Variants in WLS observed in about 807,000 individuals in gnomAD.
WLS encodes the protein protein wntless homolog.
Under a neutral mutation model 62.8 loss-of-function variants are expected in WLS, and 23 were observed. The ratio of observed to expected loss-of-function variants is 0.37; its 90% CI spans 0.26 to 0.52. WLS has a LOEUF of 0.52. WLS is among the 20% of genes least tolerant of loss of function. WLS has a pLI of 0.92. For missense variants in WLS, 615 were observed against 697.3 expected (o/e 0.88, Z 1.33); for synonymous variants, 246 against 244.1 (o/e 1.01, Z -0.07).
chr1:68,126,849 T>C (rs1019361815), intron 11 of WLS, among the ~76,000 whole-genome samples: 3 of 152,044 alleles, frequency 2.0e-5, no homozygotes, highest in Admixed American at 6.5e-5. Flanking sequence ...ATAACACCCC[T>C]CCCAACGGAT....
chr1:68,180,908 A>G (rs1359561392), intron 2 of WLS, among the ~76,000 whole-genome samples: 1 of 152,202 alleles, frequency 6.6e-6, no homozygotes, highest in Non-Finnish European at 1.5e-5. Flanking sequence ...AAGAATTACT[A>G]CTATCTCTCT....
chr1:68,162,667 A>G, intron 2 of WLS: 1 of 1,236,086 alleles, frequency 8.1e-7, no homozygotes, highest in South Asian at 1.2e-5. Context: ...CAGATTGAGG[A>G]TGTGGCAGAT....
chr1:68,144,505 T>C, intron 10 of WLS, 64 bp downstream of exon 10: 1 of 1,488,288 alleles, frequency 6.7e-7, no homozygotes, highest in East Asian at 2.3e-5. Context: ...CTATTGAATT[T>C]CTGTGCAGGG....
intron 2 of WLS, among the ~76,000 whole-genome samples, chr1:68,165,070 C>T (rs973376262): frequency 1.3e-5 from 2 of 152,140 alleles, no homozygotes; most frequent in Admixed American, 1.3e-4. Flanking sequence ...GTACATCCTA[C>T]TTATAACGCT....
chr1:68,194,113 A>G lies in WLS; in HGVS notation c.221T>C (p.Ile74Thr). 7 of 1,614,166 alleles carry G rather than the reference A, an allele frequency of 4.3e-6. No homozygotes were observed. Among genetic ancestry groups the G allele is most frequent in the Non-Finnish European group, 5.9e-6 (7 of 1,180,038 alleles). ...TGGAATTGCCTCTTCAATGTCTCGGATCTTGTCACAATGATTGGGTCCCCA... is the reference window on the plus strand; with the variant it reads ...TGGAATTGCCTCTTCAATGTCTCGGGTCTTGTCACAATGATTGGGTCCCCA... ...VPWGPNHCDK[I>T]RDIEEAIPRE... is the part of the protein sequence containing the mutation. The change falls in exon 2 of 12, where the codon ATC becomes ACC. Residue 74 changes from isoleucine (I) to threonine (T), a missense_variant. By Grantham distance (89) the Ile-to-Thr change is moderately conservative. Transcript: ENST00000262348.
chr1:68,101,973 G>A (rs192355360), intron 11 of WLS, among the ~76,000 whole-genome samples: 1 of 152,278 alleles, frequency 6.6e-6, no homozygotes, highest in Admixed American at 6.5e-5. Flanking sequence ...TTTTCCAAGG[G>A]ACTTTGAACT....
chr1:68,144,752 A>T, intron 9 of WLS, 100 bp from the exon 10 acceptor site: 1 of 919,332 alleles, frequency 1.1e-6, no homozygotes, highest in South Asian at 1.6e-5. Context: ...AATCTGTAAA[A>T]CCAAATCCCT....
chr1:68,140,615 C>G (rs1646671996), intron 10 of WLS, among the ~76,000 whole-genome samples: 1 of 152,216 alleles, frequency 6.6e-6, no homozygotes, highest in Non-Finnish European at 1.5e-5. Context: ...CCGTCTCGTA[C>G]TTGCTCTGGG....
Position 68,126,194 on chromosome 1 carries a change from G to C in WLS, c.*32C>G, listed in dbSNP as rs1381691380. 7 of 1,612,802 alleles carry C rather than the reference G, an allele frequency of 4.3e-6. No homozygotes were observed. The highest frequency in any genetic ancestry group is 5.1e-6 in the Non-Finnish European group (6 of 1,179,536). ...CTCTAGTTAGAGGGGCTGGGGTATG[G>C]AGAGACCGTCCCAGCCGGGCGCTGC... is the stretch of plus-strand genomic sequence containing the variant. On this transcript the variant is annotated 3_prime_UTR_variant, in exon 12 of 12. Transcript: ENST00000262348.
At chr1:68,144,416 G>T (rs527762775) in intron 10 of WLS, among the ~76,000 whole-genome samples, 153 bp downstream of exon 10, 1 of 152,286 alleles carries the variant, frequency 6.6e-6, no homozygotes, top group African/African-American at 2.4e-5. Flanking sequence ...CATTTGGCCA[G>T]GTGATATCAA....
rs111273032 is a variant in WLS at position 68,194,073 on chromosome 1, G to A, written c.261C>T (p.Ala87=). 5.1e-4 allele frequency: 819 copies of A among 1,614,098 alleles called. 9 individuals carry two copies. In the African/African-American group the frequency reaches 9.5e-3, roughly 19 times the overall value. Residue 87 remains alanine (A), a synonymous_variant, in exon 2 of 12, where the codon GCC becomes GCT. Coordinates refer to ENST00000262348, the MANE Select transcript of WLS (RefSeq NM_024911.7). The part of the protein sequence containing the change: ...IEEAIPREIE[A]NDIVFSVHIP... ...TGTGAACAGAAAACACGATGTCATT[G>A]GCTTCAATTTCCCTTGGAATTGCCT... is the stretch of plus-strand genomic sequence containing the variant.
At chr1:68,187,361 G>A (rs1366967565) in intron 2 of WLS, among the ~76,000 whole-genome samples, 1 of 151,892 alleles carries the variant, frequency 6.6e-6, no homozygotes, top group Non-Finnish European at 1.5e-5. Context: ...CCCCTATTAA[G>A]TGCTAGTTCT....
chr1:68,215,458 G>A (rs2100652813), intron 1 of WLS, among the ~76,000 whole-genome samples: 1 of 152,268 alleles, frequency 6.6e-6, no homozygotes, highest in South Asian at 2.1e-4. Context: ...CACCAGTACT[G>A]GCTAACATGC....
At position 68,145,948 on chromosome 1, in the gene WLS, A is replaced by G. The variant is rs1381900985; in HGVS notation, c.1199T>C (p.Val400Ala). ...ACTGATGTTCCGAAACACCTGAAATACCATGAAGCATAGAAACAGGAAGTA... is the reference window on the plus strand; with the variant it reads ...ACTGATGTTCCGAAACACCTGAAATGCCATGAAGCATAGAAACAGGAAGTA... ...CLYFLFLCFM[V>A]FQVFRNISGK... is the part of the protein sequence containing the mutation. The change falls in exon 9 of 12, where the codon GTA becomes GCA. Residue 400 changes from valine (V) to alanine (A), a missense_variant. By Grantham distance (64) the Val-to-Ala change is moderately conservative. Transcript: ENST00000262348. The G allele has an allele frequency of 3.7e-6, 6 of 1,614,166 alleles. No homozygotes were observed. Among genetic ancestry groups the G allele is most frequent in the Non-Finnish European group, 5.1e-6 (6 of 1,180,044 alleles).
chr1:68,214,104 AGCCAGCAGCCTG>A (rs892705173), intron 1 of WLS, among the ~76,000 whole-genome samples: 2 of 152,064 alleles, frequency 1.3e-5, no homozygotes, highest in Non-Finnish European at 2.9e-5. Flanking sequence ...TTTGCTTCAA[AGCCAGCAGCCTG>A]GCCAAGTTCC....
rs1646986115 is a variant in WLS at position 68,162,167 on chromosome 1, G to C, written c.380-2920C>G. The C allele has an allele frequency of 5.5e-6, 8 of 1,452,882 alleles. No homozygotes were observed. The Admixed American group carries it at 1.3e-4, about 24-fold the overall frequency. The allele number at this position is 1,452,882 out of a possible 1,614,324, so 90.0% of individuals were successfully genotyped here. A position where few individuals can be genotyped will look rare whatever the true frequency, so the allele number is the denominator to read the frequency against. On this transcript the variant is annotated intron_variant, in intron 2 of 11. Coordinates refer to ENST00000262348, the MANE Select transcript of WLS (RefSeq NM_024911.7). The stretch of plus-strand genomic sequence containing the variant: ...ATAAGATTCGGTGCATCTTTCAACG[G>C]ACCCTGAGCAAAGCTAAAGGGCTCC...
At chr1:68,191,169 G>A (rs372713042) in intron 2 of WLS, among the ~76,000 whole-genome samples, 1 of 152,078 alleles carries the variant, frequency 6.6e-6, no homozygotes, top group Non-Finnish European at 1.5e-5. Flanking sequence ...TTATTACAGG[G>A]TAAATCTTTT....
At chr1:68,165,066 C>T (rs949202114) in intron 2 of WLS, among the ~76,000 whole-genome samples, 1 of 152,170 alleles carries the variant, frequency 6.6e-6, no homozygotes, top group Non-Finnish European at 1.5e-5. Context: ...TAAAGTACAT[C>T]CTACTTATAA....
At chr1:68,138,987 A>G (rs1216011482) in intron 10 of WLS, among the ~76,000 whole-genome samples, 2 of 152,212 alleles carry the variant, frequency 1.3e-5, no homozygotes. Context: ...TGTGTTCATT[A>G]TCTTCTGTAT....
Sources: allele counts gnomAD v4.1 joint callset (sites outside exome capture counted in the v4.1 genomes callset), GRCh38; gene constraint gnomAD v4.1.1; transcripts MANE v1.5; gene names NCBI Gene and HGNC (gene_info 2026-07-23, HGNC 2026-07-21).